The following JARID2 variants were observed in gnomAD, a reference collection of about 807,000 sequenced individuals.
JARID2 encodes the protein jumonji and AT-rich interaction domain containing 2.
A neutral mutation model predicts 125.6 loss-of-function variants in JARID2; 21 were observed. The ratio of observed to expected loss-of-function variants is 0.17; its 90% confidence interval spans 0.12 to 0.24. JARID2 has a LOEUF of 0.24. JARID2 is among the 10% of genes least tolerant of loss of function. The pLI is 1.00. For synonymous variants in JARID2, 736 were observed against 661.6 expected, an observed-to-expected ratio of 1.11 and a Z score of -1.73; for missense variants, 1,303 against 1,639.6, an observed-to-expected ratio of 0.79 and a Z score of 3.55.
intron 3 of JARID2, among the ~76,000 whole-genome samples, chr6:15,416,701 TGGGGAG>T (rs931151114): frequency 1.2e-4 from 5 of 41,714 alleles, no homozygotes; most frequent in Admixed American, 1.1e-3. Flanking sequence ...AGGGAGACCG[TGGGGAG>T]AGGGAGAGGG....
intron 1 of JARID2, among the ~76,000 whole-genome samples, chr6:15,318,272 A>C (rs1173527254): frequency 6.6e-6 from 1 of 152,208 alleles, no homozygotes; most frequent in Non-Finnish European, 1.5e-5. Flanking sequence ...TCAAAGAGAA[A>C]GCTGAACTCC....
At chr6:15,360,744 A>G (rs188058517) in intron 1 of JARID2, among the ~76,000 whole-genome samples, 4 of 152,206 alleles carry the variant, frequency 2.6e-5, no homozygotes, top group Non-Finnish European at 4.4e-5. Flanking sequence ...GGCTCAAGCA[A>G]TCCTCCTACC....
At chr6:15,332,177 G>A (rs1003656273) in intron 1 of JARID2, among the ~76,000 whole-genome samples, 2 of 152,208 alleles carry the variant, frequency 1.3e-5, no homozygotes, top group African/African-American at 4.8e-5. Flanking sequence ...CAAAGAATTA[G>A]AATTTTATGC....
intron 16 of JARID2, among the ~76,000 whole-genome samples, chr6:15,516,547 G>T (rs1241551643): frequency 6.6e-6 from 1 of 152,236 alleles, no homozygotes; most frequent in Non-Finnish European, 1.5e-5. Context: ...GGTGGGTGAG[G>T]TCATCGGCGT....
At position 15,323,948 on chromosome 6, in the gene JARID2, T is replaced by C. The variant is rs564331277; in HGVS notation, c.46-50169T>C. Among the ~76,000 whole-genome samples the C allele has an allele frequency of 4.1e-4, 62 of 151,734 alleles. 1 individual carries two copies. Among genetic ancestry groups the C allele is most frequent in the East Asian group, 2.0e-4 (1 of 5,126 alleles). On this transcript the variant is annotated intron_variant, in intron 1 of 17. Transcript: ENST00000341776. ...CTGTAATCCCAGCATTTTGGGAGGC[T>C]GAGGCGGGCGGATCACAAGGTCAGC...
chr6:15,377,231 T>C lies in JARID2; in HGVS notation c.181+2979T>C, dbSNP rs577946649. On this transcript the variant is annotated intron_variant, in intron 2 of 17. Coordinates refer to ENST00000341776, the MANE Select transcript of JARID2 (RefSeq NM_004973.4). ...GTTTAATTGGACTTACAGTTCCTCA[T>C]GCCTGGGGAGGCCTCAGAGTCATGG... Among the ~76,000 whole-genome samples, 11 of 152,296 alleles carry C rather than the reference T, an allele frequency of 7.2e-5. No homozygotes were observed. In the South Asian group the frequency reaches 1.7e-3, roughly 23 times the overall value.
chr6:15,349,317 G>T (rs1486676128), intron 1 of JARID2, among the ~76,000 whole-genome samples: 1 of 152,192 alleles, frequency 6.6e-6, no homozygotes, highest in African/African-American at 2.4e-5. Context: ...TTTGTGGGCA[G>T]GTAAGTTTTT....
intron 3 of JARID2, among the ~76,000 whole-genome samples, chr6:15,413,587 T>G (rs1345321051): frequency 6.6e-6 from 1 of 152,144 alleles, no homozygotes; most frequent in African/African-American, 2.4e-5. Context: ...AGCTCGGTTT[T>G]TGTTGTTTGT....
intron 1 of JARID2, among the ~76,000 whole-genome samples, chr6:15,311,394 A>T (rs946160669): frequency 6.6e-6 from 1 of 152,348 alleles, no homozygotes; most frequent in East Asian, 1.9e-4. Flanking sequence ...CCTGACCAAC[A>T]TGGAGAAACC....
intron 1 of JARID2, among the ~76,000 whole-genome samples, chr6:15,360,498 T>C (rs1763754665): frequency 6.6e-6 from 1 of 152,056 alleles, no homozygotes; most frequent in Non-Finnish European, 1.5e-5. Flanking sequence ...ATCTTATTTT[T>C]ATGAGACAGG....
intron 2 of JARID2, among the ~76,000 whole-genome samples, chr6:15,382,509 C>T (rs770499009): frequency 1.3e-5 from 2 of 152,092 alleles, no homozygotes; most frequent in Non-Finnish European, 1.5e-5. Flanking sequence ...GGCCGGTTTC[C>T]GTGGCCAAGT....
chr6:15,420,502 A>C (rs1002349438), intron 3 of JARID2, among the ~76,000 whole-genome samples: 2 of 152,162 alleles, frequency 1.3e-5, no homozygotes. Flanking sequence ...GAGTACAGTT[A>C]CAAGAGATAT....
At chr6:15,267,129 T>C (rs183593798) in intron 1 of JARID2, among the ~76,000 whole-genome samples, 76 of 152,324 alleles carry the variant, frequency 5.0e-4, no homozygotes, top group African/African-American at 1.6e-3. Context: ...AGTTAAGTTG[T>C]CTTCTTTGGC....
At chr6:15,310,852 T>C (rs906311020) in intron 1 of JARID2, among the ~76,000 whole-genome samples, 2 of 152,206 alleles carry the variant, frequency 1.3e-5, no homozygotes, top group African/African-American at 4.8e-5. Flanking sequence ...GAAACCGAGC[T>C]GACTTTGGTT....
At chr6:15,455,250 C>T (rs1466237401) in intron 4 of JARID2, among the ~76,000 whole-genome samples, 1 of 149,130 alleles carries the variant, frequency 6.7e-6, no homozygotes. Flanking sequence ...TTTGGTCTTG[C>T]GTGGCTTAAA....
chr6:15,374,306 ACTTGTTC>A, intron 2 of JARID2, 54 bp downstream of exon 2: 15 of 1,588,848 alleles, frequency 9.4e-6, no homozygotes, highest in Non-Finnish European at 1.3e-5. Flanking sequence ...CTGGGCGTGG[ACTTGTTC>A]CTGAATTGGA....
chr6:15,389,567 T>A (rs1016678488), intron 2 of JARID2, among the ~76,000 whole-genome samples: 2 of 152,236 alleles, frequency 1.3e-5, no homozygotes, highest in African/African-American at 2.4e-5. Context: ...ATGACTTTGT[T>A]CCTAGTGTCA....
chr6:15,509,158 G>A (rs146001204), intron 12 of JARID2: 16,827 of 1,285,340 alleles, frequency 0.013, 169 homozygotes, highest in Admixed American at 0.028. Context: ...CTGGGTCCCC[G>A]CCTGTAATCC....
chr6:15,364,730 G>A (rs1490046475), intron 1 of JARID2, among the ~76,000 whole-genome samples: 2 of 152,270 alleles, frequency 1.3e-5, no homozygotes, highest in African/African-American at 4.8e-5. Context: ...CACGTAACAC[G>A]CAATGTCAAT....
Sources: allele counts gnomAD v4.1 joint callset (sites outside exome capture counted in the v4.1 genomes callset), GRCh38; gene constraint gnomAD v4.1.1; transcripts MANE v1.5; gene names NCBI Gene and HGNC (gene_info 2026-07-23, HGNC 2026-07-21).